Variants in OPCML observed in about 807,000 individuals in gnomAD.
The protein encoded by OPCML is opioid binding protein/cell adhesion molecule like.
OPCML carries 13 observed loss-of-function variants against 37.8 expected under a neutral mutation model. That is an observed-to-expected ratio of 0.34 (90% CI 0.22 to 0.55). The LOEUF (loss-of-function observed/expected upper bound fraction) is 0.55, where lower values mean the gene tolerates loss of function less well. Among genes scored for constraint, OPCML ranks in the 20% least tolerant of loss-of-function variants. The pLI, the probability that OPCML is intolerant of heterozygous loss-of-function variation, is 0.91. For missense variants in OPCML, 341 were observed against 435.6 expected (o/e 0.78, Z 1.93); for synonymous variants, 176 against 168.8 (o/e 1.04, Z -0.33).
chr11:132,802,203 T>C (rs1938697801), intron 2 of OPCML, among the ~76,000 whole-genome samples: 1 of 152,198 alleles, frequency 6.6e-6, no homozygotes, highest in Admixed American at 6.5e-5. Flanking sequence ...TCTACCCTCT[T>C]AACTCTTTCT....
At chr11:132,982,061 C>T (rs1242426170) in intron 1 of OPCML, among the ~76,000 whole-genome samples, 1 of 152,150 alleles carries the variant, frequency 6.6e-6, no homozygotes, top group Non-Finnish European at 1.5e-5. Flanking sequence ...CTGGATTCTA[C>T]GGCTCGAATA....
intron 2 of OPCML, among the ~76,000 whole-genome samples, chr11:132,671,080 T>C (rs1268582670): frequency 6.6e-6 from 1 of 152,116 alleles, no homozygotes; most frequent in Non-Finnish European, 1.5e-5. Context: ...AGATTACACA[T>C]CTGAACAAAA....
At chr11:133,525,814 G>A (rs1948478652) in intron 1 of OPCML, among the ~76,000 whole-genome samples, 1 of 152,174 alleles carries the variant, frequency 6.6e-6, no homozygotes, top group Non-Finnish European at 1.5e-5. Flanking sequence ...CAATCTGATT[G>A]TCACTTATCG....
At chr11:132,525,634 T>C (rs1326293425) in intron 4 of OPCML, among the ~76,000 whole-genome samples, 1 of 152,226 alleles carries the variant, frequency 6.6e-6, no homozygotes, top group East Asian at 1.9e-4. Context: ...CTTCTGAAAA[T>C]AAATATTGGC....
chr11:133,401,561 T>C (rs1236504870), intron 1 of OPCML, among the ~76,000 whole-genome samples: 2 of 152,148 alleles, frequency 1.3e-5, no homozygotes, highest in African/African-American at 4.8e-5. Flanking sequence ...TATTTCTAAA[T>C]GCTATGTTGA....
chr11:132,997,460 A>G (rs145644418), intron 1 of OPCML, among the ~76,000 whole-genome samples: 2 of 152,296 alleles, frequency 1.3e-5, no homozygotes, highest in East Asian at 3.9e-4. Flanking sequence ...TTCCTCCTGG[A>G]AACGCTATTC....
At chr11:133,463,614 A>C (rs1189542681) in intron 1 of OPCML, among the ~76,000 whole-genome samples, 2 of 152,058 alleles carry the variant, frequency 1.3e-5, no homozygotes, top group African/African-American at 4.8e-5. Context: ...TATAGATGCT[A>C]TCTCTCGAGG....
Position 133,006,947 on chromosome 11 carries a change from A to G in OPCML, c.62-63937T>C, listed in dbSNP as rs1947125233. The stretch of plus-strand genomic sequence containing the variant: ...TGTGGCATAAGCAGGAGGCCTACCT[A>G]ATAAATGTCTGCAAAATACCTGAAC... On this transcript the variant is annotated intron_variant, in intron 1 of 7. Transcript: ENST00000524381. The G allele has an allele frequency of 6.1e-6, 6 of 985,454 alleles. No homozygotes were observed. In the South Asian group the frequency reaches 2.8e-4, roughly 46 times the overall value. The allele number at this position is 985,454 out of a possible 1,614,324, so 61.0% of individuals were successfully genotyped here.
At chr11:133,438,824 T>C (rs958584610) in intron 1 of OPCML, among the ~76,000 whole-genome samples, 1 of 152,122 alleles carries the variant, frequency 6.6e-6, no homozygotes, top group African/African-American at 2.4e-5. Context: ...ATTTAATACA[T>C]CAGGCCTATG....
chr11:132,594,818 GT>G (rs1338507113), intron 3 of OPCML, among the ~76,000 whole-genome samples: 1 of 152,144 alleles, frequency 6.6e-6, no homozygotes, highest in Non-Finnish European at 1.5e-5. Flanking sequence ...CAATCCATCA[GT>G]TTAGTCCAAT....
At chr11:133,069,158 G>A (rs1246379421) in intron 1 of OPCML, among the ~76,000 whole-genome samples, 1 of 152,194 alleles carries the variant, frequency 6.6e-6, no homozygotes, top group East Asian at 1.9e-4. Context: ...CCTTGAGTAA[G>A]TTATTTAAAC....
chr11:133,128,892 C>T (rs1294505274), intron 1 of OPCML, among the ~76,000 whole-genome samples: 1 of 152,182 alleles, frequency 6.6e-6, no homozygotes, highest in African/African-American at 2.4e-5. Context: ...CTGCTTCTGG[C>T]CAAAGTGCAG....
At chr11:133,521,332 G>A (rs781600653) in intron 1 of OPCML, among the ~76,000 whole-genome samples, 5 of 152,222 alleles carry the variant, frequency 3.3e-5, no homozygotes, top group Non-Finnish European at 5.9e-5. Context: ...CACATCCTGG[G>A]TCAGGAAGTC....
At chr11:133,419,184 T>A in intron 1 of OPCML, 2 of 927,806 alleles carry the variant, frequency 2.2e-6, no homozygotes, top group South Asian at 5.0e-5. Context: ...TCTCAGTAAG[T>A]TGGCTTTTTC....
intron 4 of OPCML, among the ~76,000 whole-genome samples, chr11:132,448,402 T>A (rs527976718): frequency 2.0e-5 from 3 of 152,272 alleles, no homozygotes; most frequent in African/African-American, 2.4e-5. Flanking sequence ...ACCAGAGACA[T>A]CCTGCACACT....
intron 2 of OPCML, among the ~76,000 whole-genome samples, chr11:132,850,630 A>C (rs1019783641): frequency 6.6e-6 from 1 of 152,138 alleles, no homozygotes; most frequent in African/African-American, 2.4e-5. Context: ...CTACCCACAA[A>C]GTGAGAGGTT....
intron 2 of OPCML, among the ~76,000 whole-genome samples, chr11:132,842,068 G>A (rs147334103): frequency 1.3e-5 from 2 of 152,124 alleles, no homozygotes; most frequent in East Asian, 3.9e-4. Flanking sequence ...GAAATGGAGT[G>A]GAAATGACAG....
At chr11:133,156,318 G>A (rs1273736544) in intron 1 of OPCML, among the ~76,000 whole-genome samples, 1 of 152,142 alleles carries the variant, frequency 6.6e-6, no homozygotes, top group Admixed American at 6.5e-5. Flanking sequence ...CCACCTGGAG[G>A]CACAGATTTC....
intron 3 of OPCML, among the ~76,000 whole-genome samples, chr11:132,602,429 C>T (rs1237039490): frequency 6.6e-6 from 1 of 152,082 alleles, no homozygotes; most frequent in Non-Finnish European, 1.5e-5. Flanking sequence ...AGCTTGGTTT[C>T]GTAGGTTAAT....
Sources: gnomAD v4.1 joint callset for allele counts (sites outside exome capture counted in the v4.1 genomes callset) on GRCh38, gnomAD v4.1.1 for gene constraint, MANE v1.5 for transcripts, NCBI Gene and HGNC (gene_info 2026-07-23, HGNC 2026-07-21) for gene names.